Variants in TTC28 observed in about 807,000 individuals in gnomAD.
TTC28 encodes tetratricopeptide repeat domain 28, also known as tetratricopeptide repeat protein 28.
Under a neutral mutation model 198.0 loss-of-function variants are expected in TTC28, and 61 were observed. That is an observed-to-expected ratio of 0.31 (90% confidence interval 0.25 to 0.38). The LOEUF (loss-of-function observed/expected upper bound fraction) is 0.38. Ranked by LOEUF, TTC28 falls within the 10% of genes least tolerant of loss-of-function variation. The pLI is 1.00. For missense variants in TTC28, 2,678 were observed against 3,164.0 expected (o/e 0.85, Z 3.69); for synonymous variants, 1,171 against 1,297.8 (o/e 0.90, Z 2.10).
chr22:28,065,843 T>C (rs1601581160), intron 12 of TTC28, among the ~76,000 whole-genome samples: 1 of 152,362 alleles, frequency 6.6e-6, no homozygotes, highest in East Asian at 1.9e-4. Context: ...TGGCTTGGAC[T>C]GTGCACAGCT....
chr22:28,052,070 A>C (rs1452156195), intron 12 of TTC28, among the ~76,000 whole-genome samples: 1 of 152,224 alleles, frequency 6.6e-6, no homozygotes, highest in Admixed American at 6.5e-5. Flanking sequence ...TATTTGCCAA[A>C]TAGAAAGGTG....
At chr22:28,651,378 T>C (rs1378471148) in intron 1 of TTC28, among the ~76,000 whole-genome samples, 2 of 151,240 alleles carry the variant, frequency 1.3e-5, no homozygotes, top group Non-Finnish European at 2.9e-5. Flanking sequence ...CTGAGCTCAC[T>C]GTGACCTCAA....
intron 2 of TTC28, among the ~76,000 whole-genome samples, chr22:28,555,832 T>C (rs542529442): frequency 5.3e-5 from 8 of 152,296 alleles, no homozygotes; most frequent in Admixed American, 3.9e-4. Flanking sequence ...CAAAAACCTA[T>C]TGAAATAAAT....
chr22:28,161,723 G>A (rs1044062535), intron 6 of TTC28, among the ~76,000 whole-genome samples: 6 of 144,094 alleles, frequency 4.2e-5, no homozygotes, highest in Admixed American at 7.1e-5. Flanking sequence ...GGAAAGGAAA[G>A]AGGACAGGAC....
At chr22:28,421,933 CAAAAA>C (rs3884802) in intron 2 of TTC28, among the ~76,000 whole-genome samples, 1 of 75,370 alleles carries the variant, frequency 1.3e-5, no homozygotes, top group African/African-American at 4.2e-5. Context: ...GACTCCGTCT[CAAAAA>C]AAAAAAAAAA....
intron 1 of TTC28, among the ~76,000 whole-genome samples, chr22:28,650,444 G>A (rs117966820): frequency 2.8e-3 from 428 of 152,308 alleles, no homozygotes; most frequent in Non-Finnish European, 4.2e-3. Context: ...TTCCACTGAA[G>A]ATACCCAGTA....
intron 13 of TTC28, among the ~76,000 whole-genome samples, chr22:28,027,626 C>T (rs1404950409): frequency 6.6e-6 from 1 of 152,234 alleles, no homozygotes; most frequent in Non-Finnish European, 1.5e-5. Context: ...CACATGGTTG[C>T]TTCCATATCA....
At chr22:28,524,363 G>A (rs1169938972) in intron 2 of TTC28, among the ~76,000 whole-genome samples, 4 of 150,860 alleles carry the variant, frequency 2.7e-5, no homozygotes, top group Admixed American at 6.6e-5. Flanking sequence ...GGGAGGCTGA[G>A]ACAGGAGAAT....
At chr22:28,080,531 T>TTTGTTGTTGTTGTTGTTG (rs144270652) in intron 12 of TTC28, among the ~76,000 whole-genome samples, 7 of 151,890 alleles carry the variant, frequency 4.6e-5, no homozygotes, top group Admixed American at 4.6e-4. Flanking sequence ...TAAATTGGAT[T>TTTGTTGTTGTTGTTGTTG]TTGTTGTTGT....
At chr22:28,093,462 C>A (rs896747570) in intron 12 of TTC28, among the ~76,000 whole-genome samples, 5 of 152,310 alleles carry the variant, frequency 3.3e-5, no homozygotes, top group Middle Eastern at 3.4e-3. Flanking sequence ...CTCTAAGATA[C>A]CCTCTTCCTT....
intron 2 of TTC28, among the ~76,000 whole-genome samples, chr22:28,616,281 T>C (rs1226996514): frequency 6.6e-6 from 1 of 152,204 alleles, no homozygotes; most frequent in East Asian, 1.9e-4. Flanking sequence ...AATGTTCTCT[T>C]TTATAAAGTA....
At chr22:28,097,796 G>C (rs1486229472) in intron 10 of TTC28, among the ~76,000 whole-genome samples, 1 of 152,166 alleles carries the variant, frequency 6.6e-6, no homozygotes, top group Non-Finnish European at 1.5e-5. Flanking sequence ...GTATGTAAAT[G>C]TCTCCTTTTA....
intron 12 of TTC28, among the ~76,000 whole-genome samples, chr22:28,066,292 GT>G (rs1940744282): frequency 1.3e-5 from 2 of 150,580 alleles, no homozygotes; most frequent in African/African-American, 5.0e-5. Flanking sequence ...GTGTGTGTGT[GT>G]GTGTGTGTGT....
chr22:28,101,896 T>G (rs554082086), intron 8 of TTC28, among the ~76,000 whole-genome samples: 2 of 151,682 alleles, frequency 1.3e-5, no homozygotes, highest in African/African-American at 4.8e-5. Flanking sequence ...AAATTCTGTG[T>G]TGGTAGCAAC....
At chr22:28,434,159 C>T (rs1419446878) in intron 2 of TTC28, among the ~76,000 whole-genome samples, 1 of 151,942 alleles carries the variant, frequency 6.6e-6, no homozygotes, top group East Asian at 1.9e-4. Context: ...ACAAAGAAGA[C>T]ATAAAATTAT....
At chr22:28,234,113 A>G (rs545524377) in intron 5 of TTC28, among the ~76,000 whole-genome samples, 1 of 151,954 alleles carries the variant, frequency 6.6e-6, no homozygotes, top group African/African-American at 2.4e-5. Context: ...TCACCATGTT[A>G]GCCAGGATGG....
chr22:28,663,109 G>A (rs1006335954), intron 1 of TTC28, among the ~76,000 whole-genome samples: 1 of 151,926 alleles, frequency 6.6e-6, no homozygotes, highest in Non-Finnish European at 1.5e-5. Context: ...TTAGCCAGGC[G>A]TGGTGGCGAA....
intron 12 of TTC28, among the ~76,000 whole-genome samples, chr22:28,078,779 T>G (rs1569124703): frequency 6.6e-6 from 1 of 152,132 alleles, no homozygotes; most frequent in Non-Finnish European, 1.5e-5. Flanking sequence ...CCCTAGAGAC[T>G]GGGAACACAA....
intron 2 of TTC28, among the ~76,000 whole-genome samples, chr22:28,447,234 CAG>C (rs1172448914): frequency 6.6e-6 from 1 of 151,020 alleles, no homozygotes; most frequent in Non-Finnish European, 1.5e-5. Context: ...ATAAGTGAAA[CAG>C]AGACAGGTTA....
Sources: gnomAD v4.1 joint callset for allele counts (sites outside exome capture counted in the v4.1 genomes callset) on GRCh38, gnomAD v4.1.1 for gene constraint, MANE v1.5 for transcripts, NCBI Gene and HGNC (gene_info 2026-07-23, HGNC 2026-07-21) for gene names.